GASK1B: variants seen among roughly 807,000 people sequenced by gnomAD.
GASK1B encodes Golgi-associated kinase 1B.
GASK1B carries 34 observed loss-of-function variants against 42.8 expected under a neutral mutation model. The ratio of observed to expected loss-of-function variants is 0.79; its 90% CI spans 0.60 to 1.06. The LOEUF (loss-of-function observed/expected upper bound fraction) is 1.06. Among genes scored for constraint, GASK1B ranks in the 50% least tolerant of loss-of-function variants. The probability of loss-of-function intolerance (pLI) is 0.00; values close to 1 mark genes in which losing one functional copy is unlikely to be tolerated. For missense variants in GASK1B, 686 were observed against 661.0 expected (o/e 1.04, Z -0.42); for synonymous variants, 262 against 259.1 (o/e 1.01, Z -0.11).
At chr4:158,163,475 A>G (rs1732108039) in intron 2 of GASK1B, among the ~76,000 whole-genome samples, 1 of 152,082 alleles carries the variant, frequency 6.6e-6, no homozygotes. Context: ...AGGCTGAGGC[A>G]AGAGAATTGC....
chr4:158,170,216 G>A (rs1472616287), intron 2 of GASK1B: 4 of 1,606,964 alleles, frequency 2.5e-6, no homozygotes, highest in East Asian at 2.2e-5. Context: ...CGAGGGAAAT[G>A]GAGAGCAAAG....
chr4:158,153,202 A>G (rs1426555873), intron 3 of GASK1B, among the ~76,000 whole-genome samples: 1 of 152,158 alleles, frequency 6.6e-6, no homozygotes, highest in Non-Finnish European at 1.5e-5. Context: ...CTATACACCA[A>G]CAGCAACCAA....
Position 158,155,794 on chromosome 4 carries a change from A to G in GASK1B, c.942T>C (p.Asp314=). 1 of 1,613,812 alleles carries G rather than the reference A, an allele frequency of 6.2e-7. No homozygotes were observed. The highest frequency in any genetic ancestry group is 2.2e-5 in the East Asian group (1 of 44,880). ...DGRPCPIILW[D]ASLSSASNDT... Reference sequence around the variant, plus strand: ...CATTACTTGCTGAAGATAAAGATGCATCCCAAAGAATGATGGGGCATGGGC... The same window carrying G: ...CATTACTTGCTGAAGATAAAGATGCGTCCCAAAGAATGATGGGGCATGGGC... Residue 314 remains aspartate, a synonymous_variant, in exon 3 of 5, where the codon GAT becomes GAC. Coordinates refer to ENST00000585682, the MANE Select transcript of GASK1B (RefSeq NM_001128424.2).
intron 2 of GASK1B, chr4:158,169,722 A>G (rs1159140899): frequency 1.3e-5 from 2 of 155,466 alleles, no homozygotes; most frequent in African/African-American, 4.8e-5. Context: ...AATATCCTTT[A>G]TATGGCATGG....
Position 158,171,321 on chromosome 4 carries a change from A to G in GASK1B, c.55T>C (p.Cys19Arg). Residue 19 changes from cysteine (C) to arginine (R), a missense_variant, in exon 2 of 5, where the codon TGC becomes CGC. By Grantham distance (180) the Cys-to-Arg change is radical. Coordinates refer to ENST00000585682, the MANE Select transcript of GASK1B (RefSeq NM_001128424.2). ...QLINWFICSLCVPRVRKLWSS... is the reference protein window; with the variant it reads ...QLINWFICSLRVPRVRKLWSS... The stretch of plus-strand genomic sequence containing the variant: ...CAGAGCTTACGCACCCGCGGGACGC[A>G]CAGGGAGCAGATGAACCAGTTTATG... The G allele has an allele frequency of 1.3e-5, 21 of 1,612,180 alleles. No homozygotes were observed. The highest frequency in any genetic ancestry group is 1.7e-5 in the Non-Finnish European group (20 of 1,179,098).
intron 2 of GASK1B, among the ~76,000 whole-genome samples, chr4:158,165,892 T>C (rs1351351664): frequency 2.6e-5 from 4 of 152,328 alleles, no homozygotes; most frequent in East Asian, 1.9e-4. Context: ...TTGTTAGGTA[T>C]GTATAATAGA....
intron 2 of GASK1B, among the ~76,000 whole-genome samples, chr4:158,160,285 A>T (rs890282768): frequency 6.6e-6 from 1 of 152,324 alleles, no homozygotes; most frequent in African/African-American, 2.4e-5. Flanking sequence ...CATGATTTTT[A>T]AAAACAGTAG....
At chr4:158,154,766 A>T (rs1279539213) in intron 3 of GASK1B, among the ~76,000 whole-genome samples, 1 of 152,212 alleles carries the variant, frequency 6.6e-6, no homozygotes, top group African/African-American at 2.4e-5. Context: ...ATGGAAAACC[A>T]AACATCGTAT....
At chr4:158,168,607 A>C (rs924269708) in intron 2 of GASK1B, 2 of 152,214 alleles carry the variant, frequency 1.3e-5, no homozygotes, top group Non-Finnish European at 1.5e-5. Flanking sequence ...CAGCTGAGGA[A>C]ACTGAGGCAT....
intron 2 of GASK1B, among the ~76,000 whole-genome samples, chr4:158,159,887 T>C (rs1437562675): frequency 1.3e-5 from 2 of 152,110 alleles, no homozygotes; most frequent in South Asian, 2.1e-4. Flanking sequence ...ATTTATTAAA[T>C]GCCCTTCACT....
chr4:158,132,852 TCA>T (rs1368475183), intron 3 of GASK1B, among the ~76,000 whole-genome samples: 2 of 152,112 alleles, frequency 1.3e-5, no homozygotes, highest in Non-Finnish European at 2.9e-5. Flanking sequence ...ATCCAAAAAG[TCA>T]CATAGACTGA....
At chr4:158,150,560 T>C (rs1349014641) in intron 3 of GASK1B, among the ~76,000 whole-genome samples, 2 of 152,208 alleles carry the variant, frequency 1.3e-5, no homozygotes, top group Non-Finnish European at 2.9e-5. Flanking sequence ...CTTCTGCTAA[T>C]GTCTATCAAC....
chr4:158,170,684 G>T lies in GASK1B; in HGVS notation c.692C>A (p.Ala231Glu). ...IRRMRLLADS[A>E]VAGLRPVSSR... The stretch of plus-strand genomic sequence containing the variant: ...GGACACAGGCCGGAGCCCTGCCACT[G>T]CGCTGTCCGCCAAGAGTCGCATTCT... Residue 231 changes from alanine to glutamate, a missense_variant, in exon 2 of 5, where the codon GCA becomes GAA. Ala to Glu is a moderately radical substitution (Grantham distance 107, BLOSUM62 -1). Transcript: ENST00000585682. 1 of 1,614,164 alleles carries T rather than the reference G, an allele frequency of 6.2e-7. No individual in the cohort carries two copies. The highest frequency in any genetic ancestry group is 8.5e-7 in the Non-Finnish European group (1 of 1,180,044).
At chr4:158,150,276 G>A (rs1396559736) in intron 3 of GASK1B, among the ~76,000 whole-genome samples, 2 of 152,158 alleles carry the variant, frequency 1.3e-5, no homozygotes, top group African/African-American at 4.8e-5. Flanking sequence ...CTCCCTCTGA[G>A]ATGAAGGGCA....
intron 2 of GASK1B, among the ~76,000 whole-genome samples, chr4:158,164,594 T>G (rs1039241264): frequency 6.6e-6 from 1 of 152,228 alleles, no homozygotes; most frequent in East Asian, 1.9e-4. Context: ...GAACACAACA[T>G]ACTTTCAATC....
At position 158,126,270 on chromosome 4, in the gene GASK1B, T is replaced by C. The variant is rs1730450293; in HGVS notation, c.*1137A>G. On this transcript the variant is annotated 3_prime_UTR_variant, in exon 5 of 5. Transcript: ENST00000585682. ...TTTGTCCATGTCTTCCAATCTGATT[T>C]AAAAAGTGTTAGAAGGAGTTTGGAG... The C allele has an allele frequency of 6.6e-6, 1 of 152,154 alleles. No homozygotes were observed. The highest frequency in any genetic ancestry group is 6.5e-5 in the Admixed American group (1 of 15,268). 9.4% of individuals were successfully genotyped at this position (152,154 alleles called of 1,614,324 possible). A position where few individuals can be genotyped will look rare whatever the true frequency, so the allele number is the denominator to read the frequency against.
At position 158,125,744 on chromosome 4, in the gene GASK1B, C is replaced by A. The variant is rs1249919986; in HGVS notation, c.*1663G>T. On this transcript the variant is annotated 3_prime_UTR_variant, in exon 5 of 5. Transcript: ENST00000585682. ...TCAACTGTCCAGGGGGCGAGCACAG[C>A]CCATAAGGGTGCTAAAAGTAGTACA... 6.6e-6 allele frequency: 1 copy of A among 152,006 alleles called. No individual in the cohort carries two copies. Among genetic ancestry groups the A allele is most frequent in the Non-Finnish European group, 1.5e-5 (1 of 67,982 alleles). 9.4% of individuals were successfully genotyped at this position (152,006 alleles called of 1,614,324 possible). A position where few individuals can be genotyped will look rare whatever the true frequency, so the allele number is the denominator to read the frequency against.
intron 3 of GASK1B, among the ~76,000 whole-genome samples, chr4:158,137,269 C>A (rs1400275373): frequency 6.7e-6 from 1 of 149,346 alleles, no homozygotes; most frequent in African/African-American, 2.6e-5. Flanking sequence ...ACAGAAATAA[C>A]CAAAGGAAAT....
rs1579000062 is a variant in GASK1B, at chr4:158,125,748, T to C, written c.*1659A>G. 3 of 152,216 alleles carry C rather than the reference T, an allele frequency of 2.0e-5. No homozygotes were observed. In the East Asian group the frequency reaches 5.8e-4, roughly 29 times the overall value. 9.4% of individuals were successfully genotyped at this position (152,216 alleles called of 1,614,324 possible). ...CTGTCCAGGGGGCGAGCACAGCCCA[T>C]AAGGGTGCTAAAAGTAGTACATGAA... On this transcript the variant is annotated 3_prime_UTR_variant, in exon 5 of 5. Transcript: ENST00000585682.
Sources: gnomAD v4.1 joint callset for allele counts (sites outside exome capture counted in the v4.1 genomes callset) on GRCh38, gnomAD v4.1.1 for gene constraint, MANE v1.5 for transcripts, NCBI Gene and HGNC (gene_info 2026-07-23, HGNC 2026-07-21) for gene names.